DGKD: variants seen among roughly 807,000 people sequenced by gnomAD.
DGKD encodes the protein diacylglycerol kinase delta.
DGKD carries 68 observed loss-of-function variants against 154.4 expected under a neutral mutation model. The observed-to-expected ratio is 0.44, with a 90% CI of 0.36 to 0.54. The LOEUF is 0.54. Among genes scored for constraint, DGKD ranks in the 20% least tolerant of loss-of-function variants. The probability of loss-of-function intolerance (pLI) is 0.00; values close to 1 mark genes in which losing one functional copy is unlikely to be tolerated. For synonymous variants in DGKD, 693 were observed against 638.0 expected, an observed-to-expected ratio of 1.09 and a Z score of -1.30; for missense variants, 1,343 against 1,593.6, an observed-to-expected ratio of 0.84 and a Z score of 2.68.
At chr2:233,372,229 T>C (rs1702358639) in intron 1 of DGKD, among the ~76,000 whole-genome samples, 1 of 152,084 alleles carries the variant, frequency 6.6e-6, no homozygotes, top group South Asian at 2.1e-4. Context: ...CTATGTTGCC[T>C]AGGCTGTCCT....
intron 17 of DGKD, among the ~76,000 whole-genome samples, chr2:233,451,441 G>T (rs56262157): frequency 2.0e-5 from 3 of 152,132 alleles, no homozygotes; most frequent in Non-Finnish European, 2.9e-5. Flanking sequence ...GGTCCTGGCC[G>T]CCTGGAGCAT....
intron 8 of DGKD, among the ~76,000 whole-genome samples, chr2:233,437,681 A>C (rs1410089716): frequency 1.3e-5 from 2 of 152,230 alleles, no homozygotes; most frequent in Non-Finnish European, 1.5e-5. Flanking sequence ...GATGGGCCAG[A>C]GACCCAAGCC....
intron 19 of DGKD, among the ~76,000 whole-genome samples, chr2:233,456,092 T>A (rs1271150103): frequency 2.0e-5 from 3 of 152,084 alleles, no homozygotes; most frequent in African/African-American, 7.2e-5. Context: ...CTCTCTTGAG[T>A]TTGTATTGAG....
At chr2:233,396,150 C>T (rs1437448329) in intron 3 of DGKD, among the ~76,000 whole-genome samples, 1 of 152,152 alleles carries the variant, frequency 6.6e-6, no homozygotes, top group African/African-American at 2.4e-5. Context: ...AGGCTCGATG[C>T]TGTTGCTGTC....
chr2:233,451,010 G>A lies in DGKD; in HGVS notation c.2127G>A (p.Arg709=), dbSNP rs1192855529. The A allele has an allele frequency of 6.8e-6, 11 of 1,612,236 alleles. No homozygotes were observed. The South Asian group carries it at 1.2e-4, about 18-fold the overall frequency. ...CCCTTCCGCCCCAGCCGGGAAGCCGGGACGGCCTGCCTGCGCTCAACACCA... is the reference window on the plus strand; with the variant it reads ...CCCTTCCGCCCCAGCCGGGAAGCCGAGACGGCCTGCCTGCGCTCAACACCA... ...SASLPPQPGS[R]DGLPALNTKI... is the part of the protein sequence containing the mutation. The change falls in exon 17 of 30, where the codon CGG becomes CGA. Residue 709 remains arginine, a synonymous_variant. Coordinates refer to ENST00000264057, the MANE Select transcript of DGKD (RefSeq NM_152879.3).
chr2:233,434,127 AT>A (rs2062615924), intron 3 of DGKD, among the ~76,000 whole-genome samples: 1 of 152,244 alleles, frequency 6.6e-6, no homozygotes, highest in Non-Finnish European at 1.5e-5. Context: ...GTAGCAAGCA[AT>A]TATAAATGTC....
In DGKD at chr2:233,452,406, G is replaced by C. The variant is rs564838415; in HGVS notation, c.2264+346G>C. On this transcript the variant is annotated intron_variant, in intron 18 of 29. Transcript: ENST00000264057. This position sits in a 1 kb window ranked among gnomAD's most constrained non-coding sequence, Gnocchi z 4.0. ...CTGCTCTTCGTGGTCACTCTCCCAT[G>C]ATCTTGGCTGGACCTCACTGACTTC... Among the ~76,000 whole-genome samples, 1 of 152,304 alleles carries C rather than the reference G, an allele frequency of 6.6e-6. No homozygotes were observed. Among genetic ancestry groups the C allele is most frequent in the East Asian group, 1.9e-4 (1 of 5,182 alleles).
intron 28 of DGKD, among the ~76,000 whole-genome samples, chr2:233,468,068 A>C (rs2063882676): frequency 6.6e-6 from 1 of 151,996 alleles, no homozygotes; most frequent in African/African-American, 2.4e-5. Flanking sequence ...CTGGCGGCCC[A>C]CCTGGCAGGA....
At chr2:233,379,061 G>A (rs796407617) in intron 1 of DGKD, among the ~76,000 whole-genome samples, 6 of 152,298 alleles carry the variant, frequency 3.9e-5, no homozygotes, top group African/African-American at 1.4e-4. Context: ...TGAGGCACTG[G>A]CGTGATTAAG....
rs1553537799 is a variant in DGKD, at chr2:233,449,652, G to A, written c.1888+276G>A. On this transcript the variant is annotated intron_variant, in intron 15 of 29. Coordinates refer to ENST00000264057, the MANE Select transcript of DGKD (RefSeq NM_152879.3). The surrounding 1 kb of genome is among the most constrained non-coding windows in gnomAD (Gnocchi z 5.3). ...AGCGTCTCACTCCCGTGAGAGCCTT[G>A]AGGTCACGGCCTCACACCCGCACAC... 6.6e-6 allele frequency among the ~76,000 whole-genome samples: 1 copy of A among 152,090 alleles called. No individual in the cohort carries two copies. The highest frequency in any genetic ancestry group is 1.5e-5 in the Non-Finnish European group (1 of 68,026).
intron 3 of DGKD, among the ~76,000 whole-genome samples, chr2:233,395,171 G>A (rs78793913): frequency 3.4e-5 from 4 of 118,486 alleles, no homozygotes; most frequent in Admixed American, 8.9e-5. Flanking sequence ...TTGTTTGTTT[G>A]TTTATTTATT....
intron 3 of DGKD, among the ~76,000 whole-genome samples, chr2:233,433,393 A>G (rs1401353920): frequency 6.6e-6 from 1 of 152,086 alleles, no homozygotes; most frequent in Non-Finnish European, 1.5e-5. Context: ...AAAAAAAAAG[A>G]AAACAGTTGA....
intron 1 of DGKD, among the ~76,000 whole-genome samples, chr2:233,373,944 A>G (rs1481526290): frequency 1.3e-5 from 2 of 152,136 alleles, no homozygotes; most frequent in Non-Finnish European, 2.9e-5. Context: ...TAGTTGCAGT[A>G]TATTGTTGTT....
intron 3 of DGKD, among the ~76,000 whole-genome samples, chr2:233,393,691 T>G (rs1431180404): frequency 7.1e-6 from 1 of 139,910 alleles, no homozygotes; most frequent in Non-Finnish European, 1.5e-5. Context: ...TGGTTTTTTT[T>G]TTTTTTTTTT....
intron 1 of DGKD, among the ~76,000 whole-genome samples, chr2:233,385,188 T>G (rs1007742834): frequency 6.6e-6 from 1 of 152,208 alleles, no homozygotes; most frequent in African/African-American, 2.4e-5. Context: ...GCTGTCTTAC[T>G]GTTAAGCAAG....
chr2:233,445,556 C>G lies in DGKD; in HGVS notation c.1195-67C>G. The G allele has an allele frequency of 6.6e-7, 1 of 1,520,992 alleles. No individual in the cohort carries two copies. Among genetic ancestry groups the G allele is most frequent in the African/African-American group, 1.4e-5 (1 of 71,968 alleles). 94.2% of individuals were successfully genotyped at this position (1,520,992 alleles called of 1,614,324 possible). On this transcript the variant is annotated intron_variant, in intron 10 of 29. Coordinates refer to ENST00000264057, the MANE Select transcript of DGKD (RefSeq NM_152879.3). This position sits in a 1 kb window ranked among gnomAD's most constrained non-coding sequence, Gnocchi z 5.5. The stretch of plus-strand genomic sequence containing the variant: ...CCCTCACGGTGGGGGACAAGGAGGG[C>G]TGCGGGCTGGGAAGTGGCCCCTGCC...
intron 1 of DGKD, among the ~76,000 whole-genome samples, chr2:233,375,986 A>G (rs190680786): frequency 5.9e-5 from 9 of 152,278 alleles, no homozygotes; most frequent in South Asian, 2.1e-4. Flanking sequence ...CAAGTGTTCA[A>G]TAAACATTTA....
At chr2:233,365,663 A>G (rs1360592564) in intron 1 of DGKD, among the ~76,000 whole-genome samples, 2 of 152,256 alleles carry the variant, frequency 1.3e-5, no homozygotes, top group Admixed American at 1.3e-4. Context: ...GCTGGCCATA[A>G]CACAAGTCTC....
rs764877759 is a variant in DGKD at position 233,445,604 on chromosome 2, G to A, written c.1195-19G>A. 18 of 1,590,342 alleles carry A rather than the reference G, an allele frequency of 1.1e-5. No individual in the cohort carries two copies. Among genetic ancestry groups the A allele is most frequent in the East Asian group, 2.3e-5 (1 of 43,972 alleles). On this transcript the variant is annotated intron_variant, in intron 10 of 29. Transcript: ENST00000264057. The surrounding 1 kb of genome is among the most constrained non-coding windows in gnomAD (Gnocchi z 5.5). ...GCCCCCAGGTGTTTGCCTGCGCATCGTCCCCCATGTTTCCTTAGTGTCAGC... is the reference window on the plus strand; with the variant it reads ...GCCCCCAGGTGTTTGCCTGCGCATCATCCCCCATGTTTCCTTAGTGTCAGC...
Sources: allele counts gnomAD v4.1 joint callset (sites outside exome capture counted in the v4.1 genomes callset), GRCh38; gene constraint gnomAD v4.1.1; non-coding constraint Gnocchi (gnomAD v3.1); transcripts MANE v1.5; gene names NCBI Gene and HGNC (gene_info 2026-07-23, HGNC 2026-07-21).